The following IGF2R variants were observed in gnomAD, a reference collection of about 807,000 sequenced individuals.
IGF2R encodes insulin like growth factor 2 receptor, also known as cation-independent mannose-6-phosphate receptor.
In IGF2R, 91 loss-of-function variants were observed where a neutral mutation model predicts 270.6. The observed-to-expected ratio is 0.34, with a 90% CI of 0.28 to 0.40. The LOEUF is 0.40. Among genes scored for constraint, IGF2R ranks in the 10% least tolerant of loss-of-function variants. The probability of loss-of-function intolerance (pLI) is 1.00; values close to 1 mark genes in which losing one functional copy is unlikely to be tolerated. For synonymous variants in IGF2R, 1,316 were observed against 1,258.9 expected (o/e 1.05, Z -0.96); for missense variants, 2,805 against 3,188.3 (o/e 0.88, Z 2.90).
intron 2 of IGF2R, chr6:160,006,895 T>C: frequency 6.6e-6 from 1 of 151,612 alleles, no homozygotes; most frequent in Non-Finnish European, 1.5e-5. Flanking sequence ...GAGTAATCAT[T>C]AGCTCCCATC....
intron 7 of IGF2R, 50 bp from the exon 8 acceptor site, chr6:160,032,501 A>G (rs1427659095): frequency 3.4e-5 from 52 of 1,540,846 alleles, no homozygotes; most frequent in Non-Finnish European, 3.7e-5. Context: ...ATCTGCATTA[A>G]GCTGCATGAA....
At chr6:160,044,455 TGTC>T in intron 12 of IGF2R, 56 bp from the exon 13 acceptor site, 1 of 432,818 alleles carries the variant, frequency 2.3e-6, no homozygotes, top group South Asian at 3.5e-5. Context: ...GTCACTTCTT[TGTC>T]TGCGTGATGA....
At position 159,969,965 on chromosome 6, in the gene IGF2R, A is replaced by T. The variant is rs1484700574; in HGVS notation, c.149+570A>T. On this transcript the variant is annotated intron_variant, in intron 1 of 47. Transcript: ENST00000356956. ...ATATATATATATATATATTTTTAGC[A>T]GGCGGTGACTTTTGTCTTCTTTAGA... is the stretch of plus-strand genomic sequence containing the variant. 2.0e-5 allele frequency among the ~76,000 whole-genome samples: 3 copies of T among 151,254 alleles called. No homozygotes were observed. In the East Asian group the frequency reaches 5.8e-4, roughly 29 times the overall value.
chr6:159,980,639 A>C lies in IGF2R; in HGVS notation c.150-10545A>C, dbSNP rs545053770. Among the ~76,000 whole-genome samples, 100 of 152,318 alleles carry C rather than the reference A, an allele frequency of 6.6e-4. 1 individual carries two copies. Among genetic ancestry groups the C allele is most frequent in the African/African-American group, 2.0e-3 (85 of 41,568 alleles). On this transcript the variant is annotated intron_variant, in intron 1 of 47. Transcript: ENST00000356956. ...GGAACCACCACCTGGCGGTGGCCTC[A>C]TTAGCATCATGGGCCAGCCAGCTGA...
At position 160,059,042 on chromosome 6, in the gene IGF2R, A is replaced by T; in HGVS notation, c.3035A>T (p.Gln1012Leu). ...CCAGTCGGAATTGAGAAAAGCCTCC[A>T]GCTGTCCACAGAGGGCTTCATCACT... ...ARPVGIEKSL[Q>L]LSTEGFITLT... The change falls in exon 22 of 48, where the codon CAG (glutamine) becomes CTG (leucine). Residue 1012 changes from glutamine to leucine, a missense_variant. Coordinates refer to ENST00000356956, the MANE Select transcript of IGF2R (RefSeq NM_000876.4). 1 of 1,614,236 alleles carries T rather than the reference A, an allele frequency of 6.2e-7. No individual in the cohort carries two copies.
At chr6:160,027,125 G>C (rs933717138) in intron 5 of IGF2R, 60 bp from the exon 6 acceptor site, 60 of 1,582,352 alleles carry the variant, frequency 3.8e-5, no homozygotes, top group Non-Finnish European at 4.9e-5. Context: ...TGGGTCTAAG[G>C]GTACGTGTGA....
At chr6:159,989,770 C>T (rs1217827534) in intron 1 of IGF2R, among the ~76,000 whole-genome samples, 2 of 152,200 alleles carry the variant, frequency 1.3e-5, no homozygotes, top group Non-Finnish European at 2.9e-5. Context: ...AAGTCACTTT[C>T]TTCCTTTTCT....
chr6:159,988,921 G>A (rs1387166521), intron 1 of IGF2R, among the ~76,000 whole-genome samples: 1 of 152,184 alleles, frequency 6.6e-6, no homozygotes, highest in East Asian at 1.9e-4. Context: ...GAAGGGCAAA[G>A]GAAACAAGCC....
chr6:160,088,466 C>T (rs546583694), intron 42 of IGF2R, among the ~76,000 whole-genome samples: 4 of 152,194 alleles, frequency 2.6e-5, no homozygotes, highest in South Asian at 4.1e-4. Flanking sequence ...TTGTCCCACC[C>T]GAGGTGTTCA....
chr6:159,989,425 A>G (rs6942187), intron 1 of IGF2R, among the ~76,000 whole-genome samples: 1 of 152,114 alleles, frequency 6.6e-6, no homozygotes, highest in African/African-American at 2.4e-5. Flanking sequence ...TCTGTCGTCA[A>G]GGGAGTACTG....
At chr6:160,099,282 C>T (rs1779429165) in intron 45 of IGF2R, among the ~76,000 whole-genome samples, 1 of 152,166 alleles carries the variant, frequency 6.6e-6, no homozygotes, top group African/African-American at 2.4e-5. Flanking sequence ...TTGGAAACTG[C>T]AACTTTATGT....
chr6:160,043,556 A>G (rs1413221551), intron 12 of IGF2R, among the ~76,000 whole-genome samples: 1 of 152,236 alleles, frequency 6.6e-6, no homozygotes, highest in Non-Finnish European at 1.5e-5. Context: ...TCATCTTTTT[A>G]GTTTGTAACC....
chr6:160,090,121 A>G lies in IGF2R; in HGVS notation c.6655+18A>G, dbSNP rs368228861. The stretch of plus-strand genomic sequence containing the variant: ...CCTTCAAGGTAATCCGTGGCTTCCC[A>G]CAAAGTTCCACATTTAACTTCCTCC... On this transcript the variant is annotated intron_variant, in intron 44 of 47. Transcript: ENST00000356956. The G allele has an allele frequency of 3.2e-5, 46 of 1,423,344 alleles. No homozygotes were observed. The highest frequency in any genetic ancestry group is 4.3e-5 in the Non-Finnish European group (46 of 1,076,104). The allele number at this position is 1,423,344 out of a possible 1,614,324, so 88.2% of individuals were successfully genotyped here. A position where few individuals can be genotyped will look rare whatever the true frequency, so the allele number is the denominator to read the frequency against.
In IGF2R at chr6:160,106,589, C is replaced by T. The variant is rs1485219030; in HGVS notation, c.*1505C>T. The stretch of plus-strand genomic sequence containing the variant: ...ATTTTTTCCTTGATAGTGAGACGTT[C>T]CCGAGCGAGTTACCCATCTGCCTGC... On this transcript the variant is annotated 3_prime_UTR_variant, in exon 48 of 48. Coordinates refer to ENST00000356956, the MANE Select transcript of IGF2R (RefSeq NM_000876.4). 6.6e-6 allele frequency: 1 copy of T among 151,994 alleles called. No homozygotes were observed. The highest frequency in any genetic ancestry group is 1.9e-4 in the East Asian group (1 of 5,190). 9.4% of individuals were successfully genotyped at this position (151,994 alleles called of 1,614,324 possible).
intron 10 of IGF2R, 148 bp downstream of exon 10, chr6:160,034,670 G>T (rs1583271797): frequency 5.8e-6 from 3 of 514,612 alleles, no homozygotes; most frequent in Admixed American, 2.9e-5. Context: ...CCCAGACTGG[G>T]TTTTTTCTGT....
intron 3 of IGF2R, 147 bp from the exon 4 acceptor site, chr6:160,010,540 A>G: frequency 1.8e-6 from 1 of 555,676 alleles, no homozygotes; most frequent in East Asian, 2.9e-5. Flanking sequence ...CCTCTTGATG[A>G]CCCCGTTTAA....
At chr6:160,098,870 T>C (rs767801464) in intron 45 of IGF2R, among the ~76,000 whole-genome samples, 11 of 152,166 alleles carry the variant, frequency 7.2e-5, no homozygotes, top group Non-Finnish European at 1.3e-4. Flanking sequence ...TTCGCCCTAA[T>C]AGATTACCAT....
At position 160,078,378 on chromosome 6, in the gene IGF2R, T is replaced by G. The variant is rs1360395415; in HGVS notation, c.5478+16T>G. On this transcript the variant is annotated intron_variant, in intron 37 of 47. Transcript: ENST00000356956. ...CACCTTTAAGGTAATGCGTTCACCC[T>G]GGGCGTTGCTGGTGCAGGTGTACCA... The G allele has an allele frequency of 8.7e-6, 14 of 1,610,098 alleles. No homozygotes were observed. The highest frequency in any genetic ancestry group is 1.1e-5 in the Non-Finnish European group (13 of 1,176,946).
chr6:160,096,376 T>C, intron 44 of IGF2R, 63 bp from the exon 45 acceptor site: 1 of 1,481,038 alleles, frequency 6.8e-7, no homozygotes. Flanking sequence ...CGTAAGGAGC[T>C]AAGCTCAGTC....
Sources: gnomAD v4.1 joint callset for allele counts (sites outside exome capture counted in the v4.1 genomes callset) on GRCh38, gnomAD v4.1.1 for gene constraint, MANE v1.5 for transcripts, NCBI Gene and HGNC (gene_info 2026-07-23, HGNC 2026-07-21) for gene names.